ABLIM2: variants seen among roughly 807,000 people sequenced by gnomAD.
ABLIM2 encodes actin binding LIM protein family member 2.
ABLIM2 carries 53 observed loss-of-function variants against 97.7 expected under a neutral mutation model. The observed-to-expected ratio is 0.54, with a 90% CI of 0.44 to 0.68. ABLIM2 has a LOEUF of 0.68. ABLIM2 is among the 30% of genes least tolerant of loss of function. The pLI is 0.00. For missense variants in ABLIM2, 835 were observed against 867.2 expected, an observed-to-expected ratio of 0.96 and a Z score of 0.47; for synonymous variants, 361 against 345.8, an observed-to-expected ratio of 1.04 and a Z score of -0.49.
intron 1 of ABLIM2, among the ~76,000 whole-genome samples, chr4:8,152,493 G>A (rs1437664299): frequency 3.3e-5 from 5 of 152,252 alleles, no homozygotes; most frequent in Admixed American, 6.5e-5. Context: ...CAGTCTCTGC[G>A]ACATTTAAGC....
chr4:8,047,396 C>A (rs1234176598), intron 8 of ABLIM2, among the ~76,000 whole-genome samples: 1 of 150,128 alleles, frequency 6.7e-6, no homozygotes, highest in African/African-American at 2.4e-5. Flanking sequence ...TCTTTCTCCT[C>A]CTCCTCCTCT....
At position 7,981,808 on chromosome 4, in the gene ABLIM2, C is replaced by A. The variant is rs28498829; in HGVS notation, c.1824+1456G>T. On this transcript the variant is annotated intron_variant, in intron 20 of 20. Coordinates refer to ENST00000447017, the MANE Select transcript of ABLIM2 (RefSeq NM_001130083.2). ...GGTCAAATGGAATCAATATCCTCAT[C>A]TTAGAGGTGCAGAAACCACAGCTCA... 1.4e-3 allele frequency among the ~76,000 whole-genome samples: 216 copies of A among 152,260 alleles called. 2 individuals carry two copies. The highest frequency in any genetic ancestry group is 5.0e-3 in the African/African-American group (208 of 41,542).
intron 7 of ABLIM2, among the ~76,000 whole-genome samples, chr4:8,057,098 C>CTTT (rs11333108): frequency 6.7e-4 from 87 of 130,136 alleles, no homozygotes; most frequent in African/African-American, 2.2e-3. Flanking sequence ...TTCTTTCTTT[C>CTTT]TTTTTTTTTT....
At chr4:8,157,607 G>A (rs971639973) in intron 1 of ABLIM2, among the ~76,000 whole-genome samples, 14 of 152,188 alleles carry the variant, frequency 9.2e-5, no homozygotes, top group Non-Finnish European at 2.1e-4. Flanking sequence ...TAGGCCTACA[G>A]CCCACAGGAA....
In ABLIM2 at chr4:8,005,893, C is replaced by T. The variant is rs928796706; in HGVS notation, c.1618+2166G>A. The stretch of plus-strand genomic sequence containing the variant: ...TGTCTGTGCTGGAGCAGAATCTCCC[C>T]GGGGAATTCATGAGTGCAGCACGGG... On this transcript the variant is annotated intron_variant, in intron 16 of 20. Coordinates refer to ENST00000447017, the MANE Select transcript of ABLIM2 (RefSeq NM_001130083.2). This position sits in a 1 kb window ranked among gnomAD's most constrained non-coding sequence, Gnocchi z 4.9. Among the ~76,000 whole-genome samples the T allele has an allele frequency of 4.6e-5, 7 of 152,204 alleles. No individual in the cohort carries two copies. The highest frequency in any genetic ancestry group is 7.3e-5 in the Non-Finnish European group (5 of 68,034).
rs536160030 is a variant in ABLIM2, at chr4:8,118,749, A to C, written c.11-12112T>G. Among the ~76,000 whole-genome samples, 4 of 152,306 alleles carry C rather than the reference A, an allele frequency of 2.6e-5. No individual in the cohort carries two copies. In the East Asian group the frequency reaches 7.7e-4, roughly 29 times the overall value. On this transcript the variant is annotated intron_variant, in intron 1 of 20. Transcript: ENST00000447017. Reference sequence around the variant, plus strand: ...TCCCACCATTCCTGCTCCGGGGAGCACTGTGTGCCCATCTCACCTGGGAAG... The same window carrying C: ...TCCCACCATTCCTGCTCCGGGGAGCCCTGTGTGCCCATCTCACCTGGGAAG...
chr4:8,079,557 T>C (rs1459089654), intron 5 of ABLIM2, among the ~76,000 whole-genome samples: 1 of 152,190 alleles, frequency 6.6e-6, no homozygotes, highest in Non-Finnish European at 1.5e-5. Flanking sequence ...TTACTTAAAA[T>C]GATGTCTTGA....
At chr4:8,036,800 T>C (rs149864881) in intron 9 of ABLIM2, among the ~76,000 whole-genome samples, 1 of 152,286 alleles carries the variant, frequency 6.6e-6, no homozygotes, top group African/African-American at 2.4e-5. Flanking sequence ...GGCTTAAACA[T>C]GTGTACATGC....
At chr4:8,045,467 G>A (rs1445073406) in intron 8 of ABLIM2, among the ~76,000 whole-genome samples, 2 of 152,190 alleles carry the variant, frequency 1.3e-5, no homozygotes, top group African/African-American at 2.4e-5. Flanking sequence ...TGACCAACAT[G>A]GTGAAACCCT....
At chr4:8,098,996 C>T (rs907033590) in intron 2 of ABLIM2, among the ~76,000 whole-genome samples, 4 of 152,248 alleles carry the variant, frequency 2.6e-5, no homozygotes, top group African/African-American at 7.2e-5. Flanking sequence ...GCACTCGCTC[C>T]TCCTGGGCGT....
intron 20 of ABLIM2, among the ~76,000 whole-genome samples, chr4:7,980,767 C>T (rs973284533): frequency 6.0e-5 from 9 of 150,848 alleles, no homozygotes; most frequent in African/African-American, 1.9e-4. Context: ...GGGAAATTTA[C>T]ATTCCAGAAT....
At chr4:8,137,764 C>T (rs558843755) in intron 1 of ABLIM2, among the ~76,000 whole-genome samples, 3 of 152,282 alleles carry the variant, frequency 2.0e-5, no homozygotes, top group Admixed American at 1.3e-4. Flanking sequence ...GGTGGGCCCT[C>T]GAAAACTTAG....
chr4:8,091,607 T>A (rs1190583898), intron 3 of ABLIM2, among the ~76,000 whole-genome samples: 1 of 37,022 alleles, frequency 2.7e-5, no homozygotes, highest in Non-Finnish European at 3.8e-5. Context: ...ATTATATATA[T>A]TATGTATAAT....
chr4:8,141,578 C>T (rs973572749), intron 1 of ABLIM2, among the ~76,000 whole-genome samples: 2 of 152,170 alleles, frequency 1.3e-5, no homozygotes, highest in African/African-American at 2.4e-5. Flanking sequence ...GATGGAGTAT[C>T]GCTATGTTGC....
At chr4:8,065,979 G>T (rs960831423) in intron 6 of ABLIM2, among the ~76,000 whole-genome samples, 7 of 142,404 alleles carry the variant, frequency 4.9e-5, no homozygotes, top group African/African-American at 1.8e-4. Context: ...TGGAGGGGAG[G>T]GGAGGGCAGG....
intron 2 of ABLIM2, among the ~76,000 whole-genome samples, chr4:8,098,063 C>G (rs1437293348): frequency 2.6e-5 from 4 of 152,322 alleles, no homozygotes; most frequent in African/African-American, 9.6e-5. Context: ...GCCCCCAGTC[C>G]ATGTCCTGAG....
chr4:8,029,137 G>A (rs1019255422), intron 11 of ABLIM2, among the ~76,000 whole-genome samples: 8 of 152,256 alleles, frequency 5.3e-5, no homozygotes, highest in Non-Finnish European at 7.4e-5. Context: ...CCTGACTGGC[G>A]GGGACCTCTC....
intron 12 of ABLIM2, among the ~76,000 whole-genome samples, chr4:8,024,465 G>A (rs936695939): frequency 3.9e-5 from 6 of 152,186 alleles, no homozygotes; most frequent in Admixed American, 2.6e-4. Context: ...GTGCCGTCCG[G>A]AGGGAAATGT....
chr4:8,051,181 C>T (rs1795792031), intron 8 of ABLIM2, among the ~76,000 whole-genome samples: 1 of 152,236 alleles, frequency 6.6e-6, no homozygotes, highest in African/African-American at 2.4e-5. Context: ...CCCGCCCTTG[C>T]GGGGACCTGG....
Sources: gnomAD v4.1 joint callset for allele counts (sites outside exome capture counted in the v4.1 genomes callset) on GRCh38, gnomAD v4.1.1 for gene constraint, Gnocchi (gnomAD v3.1) non-coding constraint, MANE v1.5 for transcripts, NCBI Gene and HGNC (gene_info 2026-07-23, HGNC 2026-07-21) for gene names.